Variants in TECRL observed in about 807,000 individuals in gnomAD.
TECRL encodes the protein trans-2,3-enoyl-CoA reductase-like.
TECRL carries 63 observed loss-of-function variants against 52.8 expected under a neutral mutation model. The ratio of observed to expected loss-of-function variants is 1.19; its 90% CI spans 0.97 to 1.47. TECRL has a LOEUF of 1.47. Ranked by LOEUF, TECRL falls within the 40% of genes most tolerant of loss-of-function variation. The pLI, the probability that TECRL is intolerant of heterozygous loss-of-function variation, is 0.00. For synonymous variants in TECRL, 164 were observed against 141.9 expected, an observed-to-expected ratio of 1.16 and a Z score of -1.10; for missense variants, 482 against 429.6, an observed-to-expected ratio of 1.12 and a Z score of -1.08.
chr4:64,403,822 A>G (rs1400958925), intron 1 of TECRL, among the ~76,000 whole-genome samples: 1 of 151,706 alleles, frequency 6.6e-6, no homozygotes, highest in Non-Finnish European at 1.5e-5. Context: ...AATATGAGGA[A>G]GAGGCAGAAG....
intron 4 of TECRL, among the ~76,000 whole-genome samples, chr4:64,316,827 C>T (rs1178849097): frequency 6.6e-6 from 1 of 152,100 alleles, no homozygotes; most frequent in East Asian, 1.9e-4. Flanking sequence ...TTTCTATTAT[C>T]AAATAGTATT....
Position 64,281,516 on chromosome 4 carries a change from T to C in TECRL, c.876A>G (p.Thr292=), listed in dbSNP as rs769715501. Residue 292 remains threonine, a synonymous_variant, in exon 10 of 12, where the codon ACA becomes ACG. Transcript: ENST00000381210. The stretch of plus-strand genomic sequence containing the variant: ...GACATGAAACCAGGAAAAACATCCA[T>C]GTGAAGGGGTTATAATTTGGACTTG... ...CFPSPNYNPF[T]WMFFLVSCPN... The C allele has an allele frequency of 6.2e-7, 1 of 1,605,082 alleles. No individual in the cohort carries two copies. The highest frequency in any genetic ancestry group is 1.1e-5 in the South Asian group (1 of 90,140).
chr4:64,407,582 T>A (rs976446894), intron 1 of TECRL, among the ~76,000 whole-genome samples: 1 of 151,750 alleles, frequency 6.6e-6, no homozygotes, highest in Non-Finnish European at 1.5e-5. Flanking sequence ...TCAGGGTCTA[T>A]ACACCTGTCA....
At chr4:64,374,727 C>A (rs1246098574) in intron 2 of TECRL, among the ~76,000 whole-genome samples, 1 of 152,064 alleles carries the variant, frequency 6.6e-6, no homozygotes, top group Non-Finnish European at 1.5e-5. Context: ...CATGTCCCTA[C>A]AAAGGACATG....
intron 4 of TECRL, among the ~76,000 whole-genome samples, chr4:64,315,561 A>G (rs1342456628): frequency 6.6e-6 from 1 of 152,108 alleles, no homozygotes; most frequent in Admixed American, 6.5e-5. Flanking sequence ...CAACTTAACA[A>G]TAATAAATTT....
At chr4:64,333,418 A>C (rs1718793540) in intron 2 of TECRL, among the ~76,000 whole-genome samples, 1 of 152,192 alleles carries the variant, frequency 6.6e-6, no homozygotes, top group African/African-American at 2.4e-5. Flanking sequence ...AAAGAAGTTG[A>C]TTTCAAGAGA....
intron 1 of TECRL, among the ~76,000 whole-genome samples, chr4:64,392,824 T>A (rs1723635605): frequency 6.6e-6 from 1 of 151,968 alleles, no homozygotes; most frequent in African/African-American, 2.4e-5. Flanking sequence ...TACACAACAC[T>A]TTACAAATTA....
intron 2 of TECRL, among the ~76,000 whole-genome samples, chr4:64,356,286 C>G (rs1474536795): frequency 6.6e-6 from 1 of 152,128 alleles, no homozygotes; most frequent in Non-Finnish European, 1.5e-5. Flanking sequence ...TCCCCCAGCC[C>G]AACACCCATG....
intron 3 of TECRL, among the ~76,000 whole-genome samples, chr4:64,328,163 A>G (rs897117722): frequency 6.6e-6 from 1 of 152,082 alleles, no homozygotes; most frequent in Non-Finnish European, 1.5e-5. Flanking sequence ...CAGCAAAAAG[A>G]AAAAGAAAAA....
intron 1 of TECRL, among the ~76,000 whole-genome samples, chr4:64,405,775 T>A (rs1227912886): frequency 6.6e-6 from 1 of 151,916 alleles, no homozygotes; most frequent in African/African-American, 2.4e-5. Context: ...AGTTGAAGAA[T>A]CAGCAATAAG....
chr4:64,378,917 T>A (rs1221866964), intron 1 of TECRL, among the ~76,000 whole-genome samples: 1 of 147,190 alleles, frequency 6.8e-6, no homozygotes, highest in Non-Finnish European at 1.5e-5. Flanking sequence ...CTAAATTATT[T>A]AAAATTAGTT....
Position 64,331,147 on chromosome 4 carries a change from G to A in TECRL, c.287-2591C>T, listed in dbSNP as rs994831819. On this transcript the variant is annotated intron_variant, in intron 2 of 11. Transcript: ENST00000381210. Reference sequence around the variant, plus strand: ...CAGATACACATATTTAATTAAAAGAGAGAACTAGAAAGAAATTCACCTCCA... The same window carrying A: ...CAGATACACATATTTAATTAAAAGAAAGAACTAGAAAGAAATTCACCTCCA... Among the ~76,000 whole-genome samples the A allele has an allele frequency of 2.6e-5, 4 of 152,026 alleles. No homozygotes were observed. In the East Asian group the frequency reaches 7.7e-4, roughly 29 times the overall value.
At chr4:64,345,713 G>T (rs1036391285) in intron 2 of TECRL, among the ~76,000 whole-genome samples, 6 of 150,948 alleles carry the variant, frequency 4.0e-5, no homozygotes, top group African/African-American at 1.2e-4. Flanking sequence ...TAAAAAAAAA[G>T]AAGTTAAAGG....
intron 8 of TECRL, among the ~76,000 whole-genome samples, chr4:64,293,440 TA>T (rs957424708): frequency 1.3e-5 from 2 of 152,012 alleles, no homozygotes; most frequent in Admixed American, 1.3e-4. Context: ...ACAATTTTTT[TA>T]AAAAAATACA....
At chr4:64,300,940 T>A (rs1417148294) in intron 7 of TECRL, among the ~76,000 whole-genome samples, 1 of 151,014 alleles carries the variant, frequency 6.6e-6, no homozygotes, top group African/African-American at 2.4e-5. Flanking sequence ...TAAATAATAC[T>A]GCTTTGAACA....
chr4:64,377,341 CAAAG>C (rs1722475235), intron 1 of TECRL, among the ~76,000 whole-genome samples: 1 of 151,808 alleles, frequency 6.6e-6, no homozygotes, highest in Non-Finnish European at 1.5e-5. Context: ...ACTGAAAGCA[CAAAG>C]AGAGGAAAAT....
chr4:64,280,134 A>C lies in TECRL; in HGVS notation c.1030T>G (p.Tyr344Asp). The C allele has an allele frequency of 6.2e-7, 1 of 1,604,498 alleles. No individual in the cohort carries two copies. Among genetic ancestry groups the C allele is most frequent in the Non-Finnish European group, 8.5e-7 (1 of 1,175,848 alleles). ...SLWAQKKHKI[Y>D]LRKFNSYIHR... ...ATATATGAATTGAATTTTCTCAGAT[A>C]AATCTTATGTTTCTTTTGTGCCCAC... Residue 344 changes from tyrosine (Y) to aspartate (D), a missense_variant, in exon 12 of 12, where the codon TAT becomes GAT. Physicochemically the swap from Tyr to Asp is radical, Grantham distance 160. Transcript: ENST00000381210.
intron 3 of TECRL, among the ~76,000 whole-genome samples, chr4:64,325,774 T>A (rs572535618): frequency 2.0e-4 from 30 of 152,156 alleles, no homozygotes; most frequent in Non-Finnish European, 3.5e-4. Context: ...GGTTAGTTTC[T>A]ACCCTTCTAT....
chr4:64,295,243 A>C (rs576340463), intron 8 of TECRL, among the ~76,000 whole-genome samples: 1 of 151,542 alleles, frequency 6.6e-6, no homozygotes, highest in African/African-American at 2.4e-5. Flanking sequence ...TAAGACTCTA[A>C]ATAAAAGTTC....
Sources: allele counts gnomAD v4.1 joint callset (sites outside exome capture counted in the v4.1 genomes callset), GRCh38; gene constraint gnomAD v4.1.1; transcripts MANE v1.5; gene names NCBI Gene and HGNC (gene_info 2026-07-23, HGNC 2026-07-21).